The following NDUFS6 variants were observed in gnomAD, a reference collection of about 807,000 sequenced individuals.
NDUFS6 encodes the protein NADH dehydrogenase [ubiquinone] iron-sulfur protein 6, mitochondrial.
A neutral mutation model predicts 13.2 loss-of-function variants in NDUFS6; 14 were observed. The observed-to-expected ratio is 1.06, with a 90% CI of 0.70 to 1.66. The LOEUF is 1.66. NDUFS6 is among the 40% of genes most tolerant of loss of function. NDUFS6 has a pLI of 0.00. For synonymous variants in NDUFS6, 95 were observed against 72.3 expected (o/e 1.31, Z -1.60); for missense variants, 206 against 170.8 (o/e 1.21, Z -1.15).
intron 1 of NDUFS6, 107 bp from the exon 2 acceptor site, chr5:1,802,214 G>C (rs891050193): frequency 5.0e-5 from 53 of 1,062,666 alleles, no homozygotes; most frequent in Non-Finnish European, 7.2e-5. Flanking sequence ...TTCATCAATG[G>C]CCTAAAAGTT....
chr5:1,811,862 C>G (rs968343769), intron 2 of NDUFS6, among the ~76,000 whole-genome samples: 5 of 152,192 alleles, frequency 3.3e-5, no homozygotes, highest in African/African-American at 1.2e-4. Flanking sequence ...ATCATTGTCT[C>G]TTACATCTGT....
At chr5:1,811,642 G>A (rs1049286423) in intron 2 of NDUFS6, among the ~76,000 whole-genome samples, 1 of 152,198 alleles carries the variant, frequency 6.6e-6, no homozygotes, top group African/African-American at 2.4e-5. Context: ...CCTCTGTAGA[G>A]TCACCCACAG....
rs148621361 is a variant in NDUFS6 at position 1,815,215 on chromosome 5, C to T, written c.310-636C>T. 8.8e-3 allele frequency among the ~76,000 whole-genome samples: 1,340 copies of T among 151,904 alleles called. 23 individuals carry two copies. The highest frequency in any genetic ancestry group is 0.031 in the African/African-American group (1,289 of 41,420). ...GAAGCTGGGATGTGGAACTGGGGTGCAGGGTGGGAGGGAGGCTGCCACAGA... is the reference window on the plus strand; with the variant it reads ...GAAGCTGGGATGTGGAACTGGGGTGTAGGGTGGGAGGGAGGCTGCCACAGA... On this transcript the variant is annotated intron_variant, in intron 3 of 3. Coordinates refer to ENST00000274137, the MANE Select transcript of NDUFS6 (RefSeq NM_004553.6).
chr5:1,801,524 G>T lies in NDUFS6; in HGVS notation c.107G>T (p.Gly36Val), dbSNP rs752112811. Residue 36 changes from glycine to valine, a missense_variant, in exon 1 of 4, where the codon GGG (glycine) becomes GTG (valine). Transcript: ENST00000274137. Reference sequence around the variant, plus strand: ...TTCGGGGTGCGGGTCTCGCCGACCGGGGAGAAGGTCACGCACACTGGCCAG... The same window carrying T: ...TTCGGGGTGCGGGTCTCGCCGACCGTGGAGAAGGTCACGCACACTGGCCAG... Reference protein sequence around the residue: ...RCFGVRVSPTGEKVTHTGQVY... With the variant: ...RCFGVRVSPTVEKVTHTGQVY... 8 of 1,595,054 alleles carry T rather than the reference G, an allele frequency of 5.0e-6. No homozygotes were observed. The South Asian group carries it at 8.9e-5, about 18-fold the overall frequency.
chr5:1,804,990 C>T (rs116836374), intron 2 of NDUFS6, among the ~76,000 whole-genome samples: 419 of 152,330 alleles, frequency 2.8e-3, no homozygotes, highest in African/African-American at 9.6e-3. Context: ...CAACCCCTGG[C>T]AGCCCCTGAT....
At chr5:1,806,979 C>T (rs35380881) in intron 2 of NDUFS6, among the ~76,000 whole-genome samples, 112,192 of 152,136 alleles carry the variant, frequency 0.74, 44,476 homozygotes, top group Non-Finnish European at 0.88. Flanking sequence ...TAAGGAAGAA[C>T]GCTTGACACG....
intron 2 of NDUFS6, among the ~76,000 whole-genome samples, chr5:1,811,394 A>G (rs1265435714): frequency 1.3e-5 from 2 of 152,258 alleles, no homozygotes; most frequent in Non-Finnish European, 2.9e-5. Context: ...TAACATGACA[A>G]CAATATAATT....
At chr5:1,802,161 A>G (rs1386593722) in intron 1 of NDUFS6, 160 bp from the exon 2 acceptor site, 1 of 645,698 alleles carries the variant, frequency 1.5e-6, no homozygotes, top group African/African-American at 1.8e-5. Flanking sequence ...ATCTCGCTAA[A>G]AATGCCCCTG....
In NDUFS6 at chr5:1,802,387, T is replaced by C; in HGVS notation, c.186+13T>C. Reference sequence around the variant, plus strand: ...TCGTCAGAAAGAGGTGAGTAAAAAATCTAGTGAAGAGAGGTAAGCTTTCCT... The same window carrying C: ...TCGTCAGAAAGAGGTGAGTAAAAAACCTAGTGAAGAGAGGTAAGCTTTCCT... On this transcript the variant is annotated intron_variant, in intron 2 of 3. Coordinates refer to ENST00000274137, the MANE Select transcript of NDUFS6 (RefSeq NM_004553.6). 2 of 1,611,444 alleles carry C rather than the reference T, an allele frequency of 1.2e-6. No homozygotes were observed. The highest frequency in any genetic ancestry group is 1.7e-6 in the Non-Finnish European group (2 of 1,177,702).
In NDUFS6 at chr5:1,802,360, G is replaced by C; in HGVS notation, c.172G>C (p.Gly58Arg). 1 of 1,613,978 alleles carries C rather than the reference G, an allele frequency of 6.2e-7. No individual in the cohort carries two copies. Among genetic ancestry groups the C allele is most frequent in the Non-Finnish European group, 8.5e-7 (1 of 1,179,948 alleles). Residue 58 changes from glycine to arginine, a missense_variant, in exon 2 of 4, where the codon GGT (glycine) becomes CGT (arginine). Gly to Arg is a moderately radical substitution (Grantham distance 125). Transcript: ENST00000274137. ...DKDYRRIRFV[G>R]RQKEVNENFA... ...AGACTACAGGAGAATTCGGTTTGTA[G>C]GTCGTCAGAAAGAGGTGAGTAAAAA...
At chr5:1,807,819 G>T (rs536536164) in intron 2 of NDUFS6, among the ~76,000 whole-genome samples, 1 of 152,232 alleles carries the variant, frequency 6.6e-6, no homozygotes, top group Non-Finnish European at 1.5e-5. Context: ...CAGGAGGGAT[G>T]CCACCAGAGA....
chr5:1,807,381 G>A (rs1341003437), intron 2 of NDUFS6, among the ~76,000 whole-genome samples: 1 of 152,176 alleles, frequency 6.6e-6, no homozygotes, highest in Admixed American at 6.5e-5. Flanking sequence ...GCACAATAAT[G>A]TGAATATACG....
intron 2 of NDUFS6, 58 bp downstream of exon 2, chr5:1,802,432 C>T: frequency 7.2e-7 from 1 of 1,390,566 alleles, no homozygotes; most frequent in Non-Finnish European, 1.0e-6. Context: ...ATGTAACCAA[C>T]AAGAAATAAA....
At chr5:1,803,913 C>T (rs1263476330) in intron 2 of NDUFS6, among the ~76,000 whole-genome samples, 1 of 152,156 alleles carries the variant, frequency 6.6e-6, no homozygotes, top group East Asian at 1.9e-4. Flanking sequence ...TTTCTTTTGG[C>T]AGTGATCGTG....
intron 2 of NDUFS6, among the ~76,000 whole-genome samples, chr5:1,808,455 A>C (rs1734161952): frequency 1.3e-5 from 2 of 152,228 alleles, no homozygotes; most frequent in African/African-American, 4.8e-5. Flanking sequence ...TAATGGTTAT[A>C]AAGTGAGGTT....
chr5:1,814,563 T>G lies in NDUFS6; in HGVS notation c.309+102T>G. The G allele has an allele frequency of 6.4e-7, 1 of 1,566,050 alleles. No individual in the cohort carries two copies. The highest frequency in any genetic ancestry group is 8.7e-7 in the Non-Finnish European group (1 of 1,150,216). ...TCTTTCTGTCCTCTTCTCTACCTGC[T>G]CCCGAGGCGGCCCTTACGGGGTTCA... is the stretch of plus-strand genomic sequence containing the variant. On this transcript the variant is annotated intron_variant, in intron 3 of 3. Transcript: ENST00000274137. The surrounding 1 kb of genome is among the most constrained non-coding windows in gnomAD (Gnocchi z 4.9).
At chr5:1,803,524 TCA>T (rs1449085155) in intron 2 of NDUFS6, among the ~76,000 whole-genome samples, 1 of 152,200 alleles carries the variant, frequency 6.6e-6, no homozygotes, top group Admixed American at 6.5e-5. Flanking sequence ...TGAGGTTGAA[TCA>T]CAGCATGGGT....
chr5:1,811,780 C>CT (rs1734223063), intron 2 of NDUFS6, among the ~76,000 whole-genome samples: 1 of 152,168 alleles, frequency 6.6e-6, no homozygotes, highest in African/African-American at 2.4e-5. Context: ...GGTGAGACTG[C>CT]TACATAGGTG....
At chr5:1,808,126 A>T (rs1353535764) in intron 2 of NDUFS6, among the ~76,000 whole-genome samples, 1 of 152,110 alleles carries the variant, frequency 6.6e-6, no homozygotes, top group Non-Finnish European at 1.5e-5. Flanking sequence ...TTGGTGGCAG[A>T]GGTGGAGCTC....
Sources: allele counts gnomAD v4.1 joint callset (sites outside exome capture counted in the v4.1 genomes callset), GRCh38; gene constraint gnomAD v4.1.1; non-coding constraint Gnocchi (gnomAD v3.1); transcripts MANE v1.5; gene names NCBI Gene and HGNC (gene_info 2026-07-23, HGNC 2026-07-21).